The following BLTP1 variants were observed in gnomAD, a reference collection of about 807,000 sequenced individuals.
The protein encoded by BLTP1 is fragile site-associated protein.
chr4:122,299,870 ATG>A, the BLTP1 span: 1 of 985,062 alleles, frequency 1.0e-6, no homozygotes, highest in African/African-American at 1.7e-5. Context: ...AGAAAAGAAA[ATG>A]TAATCTGTAT....
the BLTP1 span, among the ~76,000 whole-genome samples, chr4:122,320,979 TTTTTC>T: frequency 7.3e-5 from 11 of 151,094 alleles, no homozygotes; most frequent in South Asian, 4.2e-4. Flanking sequence ...CTTTTTTTAC[TTTTTC>T]TTTTCTTTTT....
At chr4:122,333,655 T>C in the BLTP1 span, 1 of 1,607,324 alleles carries the variant, frequency 6.2e-7, no homozygotes, top group South Asian at 1.1e-5. Context: ...TCCAGGAGCT[T>C]AGATCAAGAT....
chr4:122,299,709 G>C, the BLTP1 span: 372 of 717,824 alleles, frequency 5.2e-4, 3 homozygotes, highest in African/African-American at 6.6e-3. Context: ...AGCTGGGTTG[G>C]GGGGGTGATA....
chr4:122,271,836 G>C, the BLTP1 span: 6 of 769,578 alleles, frequency 7.8e-6, no homozygotes, highest in South Asian at 2.0e-5. Context: ...TAATTGAAAT[G>C]GAGAGAAATT....
chr4:122,346,614 A>G, the BLTP1 span: 1 of 1,610,066 alleles, frequency 6.2e-7, no homozygotes, highest in East Asian at 2.2e-5. Flanking sequence ...AATGTTATTT[A>G]TGTATCAGCT....
At chr4:122,211,465 A>G in the BLTP1 span, among the ~76,000 whole-genome samples, 1 of 152,302 alleles carries the variant, frequency 6.6e-6, no homozygotes, top group Admixed American at 6.5e-5. Flanking sequence ...CATATATCTG[A>G]GAATAATTGG....
chr4:122,279,168 T>G, the BLTP1 span, among the ~76,000 whole-genome samples: 1 of 152,350 alleles, frequency 6.6e-6, no homozygotes, highest in Non-Finnish European at 1.5e-5. Context: ...TGGAAAAGTT[T>G]GCTCAACTTT....
At chr4:122,274,508 G>A in the BLTP1 span, 1 of 1,543,454 alleles carries the variant, frequency 6.5e-7, no homozygotes, top group Non-Finnish European at 8.7e-7. Context: ...GGATAAACAT[G>A]CTGAATTTTG....
At chr4:122,207,514 C>A in the BLTP1 span, 10 of 1,286,800 alleles carry the variant, frequency 7.8e-6, no homozygotes, top group Non-Finnish European at 9.3e-6. Context: ...ACTTTTTCTT[C>A]TTTTTTTTTT....
the BLTP1 span, chr4:122,227,532 A>G: frequency 4.3e-6 from 4 of 934,474 alleles, no homozygotes; most frequent in Non-Finnish European, 5.1e-6. Context: ...AAAATAACTT[A>G]CCCTGGTTCT....
the BLTP1 span, chr4:122,152,855 C>A: frequency 2.5e-6 from 1 of 401,482 alleles, no homozygotes; most frequent in Non-Finnish European, 3.4e-6. Flanking sequence ...GATGGTAAGG[C>A]GCTCCACTTG....
the BLTP1 span, chr4:122,353,781 T>C: frequency 1.1e-5 from 17 of 1,589,522 alleles, no homozygotes; most frequent in Non-Finnish European, 1.5e-5. This position sits in a 1 kb window ranked among gnomAD's most constrained non-coding sequence, Gnocchi z 4.3. Flanking sequence ...ATATGGTTTA[T>C]TACTTTAAAA....
chr4:122,205,246 G>C, the BLTP1 span, among the ~76,000 whole-genome samples: 1 of 151,708 alleles, frequency 6.6e-6, no homozygotes. Flanking sequence ...TTTTCCTTAG[G>C]ATATCTTTAA....
the BLTP1 span, chr4:122,277,613 G>A: frequency 1.0e-6 from 1 of 954,118 alleles, no homozygotes. Flanking sequence ...GTAATTAAAG[G>A]ATACCAATTC....
the BLTP1 span, chr4:122,348,501 G>C: frequency 7.3e-7 from 1 of 1,365,188 alleles, no homozygotes; most frequent in Non-Finnish European, 9.8e-7. Flanking sequence ...AATAAAAATA[G>C]TTTTTGCTTT....
the BLTP1 span, among the ~76,000 whole-genome samples, chr4:122,176,511 A>G: frequency 1.3e-5 from 2 of 152,164 alleles, no homozygotes; most frequent in Admixed American, 6.5e-5. Context: ...AAACCAACAA[A>G]TTAAAAGTAC....
the BLTP1 span, chr4:122,344,663 C>A: frequency 8.6e-7 from 1 of 1,164,106 alleles, no homozygotes; most frequent in Non-Finnish European, 1.2e-6. Context: ...TAATGTTAAG[C>A]TTTCAGTGAT....
the BLTP1 span, chr4:122,362,226 C>T: frequency 1.9e-6 from 3 of 1,612,252 alleles, no homozygotes; most frequent in African/African-American, 4.0e-5. Context: ...AAAAGAAAGG[C>T]AAAGACAAAG....
the BLTP1 span, among the ~76,000 whole-genome samples, chr4:122,178,890 T>G: frequency 2.0e-5 from 3 of 152,152 alleles, no homozygotes; most frequent in Non-Finnish European, 4.4e-5. Flanking sequence ...GTTTAAAAAT[T>G]TTAAGGTTGA....
Sources: allele counts gnomAD v4.1 joint callset (sites outside exome capture counted in the v4.1 genomes callset), GRCh38; gene constraint gnomAD v4.1.1; non-coding constraint Gnocchi (gnomAD v3.1); transcripts MANE v1.5; gene names NCBI Gene and HGNC (gene_info 2026-07-23, HGNC 2026-07-21).